The following UNC5D variants were observed in gnomAD, a reference collection of about 807,000 sequenced individuals.
UNC5D encodes unc-5 netrin receptor D.
A neutral mutation model predicts 105.4 loss-of-function variants in UNC5D; 39 were observed. The observed-to-expected ratio is 0.37, with a 90% CI of 0.29 to 0.48. UNC5D has a LOEUF of 0.48. Ranked by LOEUF, UNC5D falls within the 20% of genes least tolerant of loss-of-function variation. UNC5D has a pLI of 0.98. For synonymous variants in UNC5D, 452 were observed against 450.4 expected (o/e 1.00, Z -0.04); for missense variants, 991 against 1,202.4 (o/e 0.82, Z 2.60).
intron 1 of UNC5D, among the ~76,000 whole-genome samples, chr8:35,276,197 C>T (rs982551528): frequency 2.6e-5 from 4 of 152,180 alleles, no homozygotes; most frequent in Admixed American, 1.3e-4. Context: ...CCCATAATAA[C>T]ATGATAACAG....
chr8:35,532,233 G>T (rs1474517739), intron 1 of UNC5D, among the ~76,000 whole-genome samples: 1 of 150,896 alleles, frequency 6.6e-6, no homozygotes, highest in East Asian at 2.0e-4. Context: ...GTCTTTTAGG[G>T]CAGGCCTGGT....
chr8:35,459,732 A>G (rs1291442778), intron 1 of UNC5D, among the ~76,000 whole-genome samples: 1 of 152,210 alleles, frequency 6.6e-6, no homozygotes, highest in African/African-American at 2.4e-5. Context: ...GGTGGAGTCA[A>G]CTTGTATTGT....
At chr8:35,752,419 C>T (rs1830328144) in intron 13 of UNC5D, among the ~76,000 whole-genome samples, 1 of 152,182 alleles carries the variant, frequency 6.6e-6, no homozygotes, top group Non-Finnish European at 1.5e-5. Context: ...CACGACCTCA[C>T]TCCTGAACAT....
intron 1 of UNC5D, among the ~76,000 whole-genome samples, chr8:35,289,584 T>C (rs1048247962): frequency 6.6e-6 from 1 of 152,192 alleles, no homozygotes. Flanking sequence ...ACTCTCCAGA[T>C]AGATCACACA....
intron 1 of UNC5D, among the ~76,000 whole-genome samples, chr8:35,295,734 A>G (rs907976089): frequency 2.0e-5 from 3 of 152,156 alleles, no homozygotes; most frequent in Admixed American, 1.3e-4. Flanking sequence ...AGTACATAAT[A>G]TGGTATTATT....
chr8:35,742,597 G>C (rs1004636286), intron 11 of UNC5D, among the ~76,000 whole-genome samples: 1 of 152,128 alleles, frequency 6.6e-6, no homozygotes, highest in African/African-American at 2.4e-5. Context: ...GGAGGGAATG[G>C]TAATTACCAA....
At position 35,293,655 on chromosome 8, in the gene UNC5D, A is replaced by G. The variant is rs1807245526; in HGVS notation, c.103+57768A>G. Among the ~76,000 whole-genome samples, 3 of 152,318 alleles carry G rather than the reference A, an allele frequency of 2.0e-5. No homozygotes were observed. In the South Asian group the frequency reaches 6.2e-4, roughly 32 times the overall value. Reference sequence around the variant, plus strand: ...TGATTGACTCTGTGGTAAATCCTGTAAAGTCATGCACAACATCTGGACATA... The same window carrying G: ...TGATTGACTCTGTGGTAAATCCTGTGAAGTCATGCACAACATCTGGACATA... On this transcript the variant is annotated intron_variant, in intron 1 of 16. Coordinates refer to ENST00000404895, the MANE Select transcript of UNC5D (RefSeq NM_080872.4).
chr8:35,441,023 G>A (rs1282206560), intron 1 of UNC5D, among the ~76,000 whole-genome samples: 1 of 151,912 alleles, frequency 6.6e-6, no homozygotes, highest in Non-Finnish European at 1.5e-5. Flanking sequence ...CTGGAAGATT[G>A]CAGGTCTTTG....
chr8:35,296,703 G>A (rs1242704318), intron 1 of UNC5D, among the ~76,000 whole-genome samples: 2 of 152,186 alleles, frequency 1.3e-5, no homozygotes, highest in Non-Finnish European at 2.9e-5. Context: ...TTGCAGGCAT[G>A]AGCCACCATG....
At chr8:35,366,677 T>C (rs941396345) in intron 1 of UNC5D, among the ~76,000 whole-genome samples, 1 of 152,108 alleles carries the variant, frequency 6.6e-6, no homozygotes, top group African/African-American at 2.4e-5. Flanking sequence ...TCATCTGTGG[T>C]CCAACAATTT....
chr8:35,641,386 G>GAAAAAAAAAAAAAAAAAAA (rs1209560462), intron 4 of UNC5D, among the ~76,000 whole-genome samples: 2 of 91,844 alleles, frequency 2.2e-5, no homozygotes, highest in African/African-American at 8.2e-5. Flanking sequence ...AAAAAAAAAA[G>GAAAAAAAAAAAAAAAAAAA]AAAAAAAAAA....
chr8:35,707,836 C>T (rs1827688144), intron 8 of UNC5D, among the ~76,000 whole-genome samples: 1 of 152,150 alleles, frequency 6.6e-6, no homozygotes, highest in Non-Finnish European at 1.5e-5. Flanking sequence ...GCTTGGGGTT[C>T]TCGTTCCTGA....
chr8:35,739,207 A>G (rs1021870500), intron 11 of UNC5D, among the ~76,000 whole-genome samples: 2 of 152,158 alleles, frequency 1.3e-5, no homozygotes, highest in South Asian at 4.1e-4. Flanking sequence ...TTAGCTGAAG[A>G]TTGTACTCTA....
chr8:35,578,204 G>A (rs1381186091), intron 3 of UNC5D, among the ~76,000 whole-genome samples: 1 of 126,824 alleles, frequency 7.9e-6, no homozygotes, highest in Admixed American at 9.4e-5. Context: ...CAGCCTGCGG[G>A]ACAAGAGCAA....
In UNC5D at chr8:35,337,109, C is replaced by G. The variant is rs1181722106; in HGVS notation, c.103+101222C>G. On this transcript the variant is annotated intron_variant, in intron 1 of 16. Transcript: ENST00000404895. Reference sequence around the variant, plus strand: ...AGAAATCTTGCAGTGGTTATAAATTCTGATATAATACATCACAGACTTCAA... The same window carrying G: ...AGAAATCTTGCAGTGGTTATAAATTGTGATATAATACATCACAGACTTCAA... 7.2e-5 allele frequency among the ~76,000 whole-genome samples: 11 copies of G among 152,238 alleles called. No individual in the cohort carries two copies. In the East Asian group the frequency reaches 1.9e-3, roughly 27 times the overall value.
At chr8:35,502,166 C>T (rs1168528692) in intron 1 of UNC5D, among the ~76,000 whole-genome samples, 1 of 152,180 alleles carries the variant, frequency 6.6e-6, no homozygotes, top group Non-Finnish European at 1.5e-5. Flanking sequence ...AGTTATCCCT[C>T]AATTTCTGCA....
At chr8:35,632,969 T>G (rs1822133086) in intron 4 of UNC5D, among the ~76,000 whole-genome samples, 1 of 152,226 alleles carries the variant, frequency 6.6e-6, no homozygotes, top group African/African-American at 2.4e-5. Context: ...GGGCTTTAGC[T>G]TTAACAATCA....
chr8:35,445,083 C>T (rs1807681365), intron 1 of UNC5D, among the ~76,000 whole-genome samples: 1 of 151,872 alleles, frequency 6.6e-6, no homozygotes, highest in Admixed American at 6.6e-5. Context: ...GTGATGTGTA[C>T]ATCAGACCTT....
intron 1 of UNC5D, among the ~76,000 whole-genome samples, chr8:35,441,097 C>G (rs971811067): frequency 6.6e-6 from 1 of 151,860 alleles, no homozygotes; most frequent in Non-Finnish European, 1.5e-5. Flanking sequence ...TTTCTTATAC[C>G]AGTAGACCTT....
Sources: gnomAD v4.1 joint callset for allele counts (sites outside exome capture counted in the v4.1 genomes callset) on GRCh38, gnomAD v4.1.1 for gene constraint, MANE v1.5 for transcripts, NCBI Gene and HGNC (gene_info 2026-07-23, HGNC 2026-07-21) for gene names.